Variants in CALN1 observed in about 807,000 individuals in gnomAD.
CALN1 encodes the protein calneuron 1, also known as calcium-binding protein 8.
In CALN1, 17 loss-of-function variants were observed where a neutral mutation model predicts 30.6. The observed-to-expected ratio is 0.56, with a 90% CI of 0.38 to 0.83. The LOEUF (loss-of-function observed/expected upper bound fraction) is 0.83, where lower values mean the gene tolerates loss of function less well. Among genes scored for constraint, CALN1 ranks in the 40% least tolerant of loss-of-function variants. The probability of loss-of-function intolerance (pLI) is 0.00; values close to 1 mark genes in which losing one functional copy is unlikely to be tolerated. For missense variants in CALN1, 291 were observed against 354.9 expected (o/e 0.82, Z 1.45); for synonymous variants, 156 against 131.4 (o/e 1.19, Z -1.28).
intron 5 of CALN1, among the ~76,000 whole-genome samples, chr7:71,851,865 G>A (rs1413105718): frequency 6.6e-6 from 1 of 152,064 alleles, no homozygotes; most frequent in Non-Finnish European, 1.5e-5. Flanking sequence ...AACTCCAGAG[G>A]GCAGACATTA....
intron 3 of CALN1, among the ~76,000 whole-genome samples, chr7:72,111,280 G>A (rs746715896): frequency 9.2e-5 from 14 of 152,150 alleles, no homozygotes; most frequent in Admixed American, 2.6e-4. Flanking sequence ...AACACGCATC[G>A]TCTGAAAGGA....
At chr7:72,502,678 C>T in the CALN1 span, among the ~76,000 whole-genome samples, 3 of 151,990 alleles carry the variant, frequency 2.0e-5, no homozygotes, top group South Asian at 6.2e-4. Flanking sequence ...TTCTTATATC[C>T]CTTCCCTCAT....
In CALN1 at chr7:72,207,248, G is replaced by A. The variant is rs181388320; in HGVS notation, c.244+71438C>T. ...CGGCCCTCTGTCTCTTTGTCGGCGG[G>A]AGGGAAGAACTTATTCTTATCTTGA... On this transcript the variant is annotated intron_variant, in intron 3 of 6. Transcript: ENST00000395275. 3.1e-3 allele frequency among the ~76,000 whole-genome samples: 474 copies of A among 152,252 alleles called. 4 individuals are homozygous for A. The highest frequency in any genetic ancestry group is 0.011 in the African/African-American group (463 of 41,554).
chr7:72,324,810 G>A lies in CALN1; in HGVS notation c.120-46000C>T, dbSNP rs187696351. On this transcript the variant is annotated intron_variant, in intron 2 of 6. Coordinates refer to ENST00000395275, the MANE Select transcript of CALN1 (RefSeq NM_031468.4). The stretch of plus-strand genomic sequence containing the variant: ...TGTTGGCCAGGCTGGTCTTGAACTC[G>A]TGACCTCAAGTGATCCACCCGCTTC... Among the ~76,000 whole-genome samples, 1,044 of 151,786 alleles carry A rather than the reference G, an allele frequency of 6.9e-3. 14 individuals are homozygous for A. The highest frequency in any genetic ancestry group is 0.024 in the African/African-American group (999 of 41,414).
intron 5 of CALN1, among the ~76,000 whole-genome samples, chr7:72,011,848 C>G (rs2129529270): frequency 6.6e-6 from 1 of 152,020 alleles, no homozygotes; most frequent in South Asian, 2.1e-4. Context: ...AAAAATGTTG[C>G]CCACACTGGT....
In CALN1 at chr7:72,217,832, A is replaced by ATT. The variant is rs35736777; in HGVS notation, c.244+60852_244+60853dup. On this transcript the variant is annotated intron_variant, in intron 3 of 6. Coordinates refer to ENST00000395275, the MANE Select transcript of CALN1 (RefSeq NM_031468.4). ...CCAACTCTACAAAAAAATTAAATAA[A>ATT]TTTTTTTTTTTTTTTTTTTTTTTTT... Among the ~76,000 whole-genome samples the ATT allele has an allele frequency of 2.7e-3, 182 of 67,322 alleles. 4 individuals carry two copies. The highest frequency in any genetic ancestry group is 3.2e-3 in the Non-Finnish European group (125 of 39,656). 44.2% of individuals were successfully genotyped at this position (67,322 alleles called of 152,430 possible). A position where few individuals can be genotyped will look rare whatever the true frequency, so the allele number is the denominator to read the frequency against.
At chr7:72,347,063 A>T (rs1303770251) in intron 2 of CALN1, among the ~76,000 whole-genome samples, 1 of 152,120 alleles carries the variant, frequency 6.6e-6, no homozygotes, top group African/African-American at 2.4e-5. Context: ...TTGAAAAGGA[A>T]AGGGGAGAAA....
chr7:72,054,449 A>G (rs1240614969), intron 4 of CALN1, among the ~76,000 whole-genome samples: 5 of 52,222 alleles, frequency 9.6e-5, no homozygotes, highest in Non-Finnish European at 2.7e-4. Context: ...ATATATATAC[A>G]TATATATACA....
chr7:72,414,107 A>G (rs1376179477), upstream of CALN1, among the ~76,000 whole-genome samples: 1 of 152,114 alleles, frequency 6.6e-6, no homozygotes, highest in East Asian at 1.9e-4. Context: ...AAGCAGGAGC[A>G]GTGAGGTATG....
chr7:71,959,167 G>A (rs561372715), intron 5 of CALN1, among the ~76,000 whole-genome samples: 1 of 152,320 alleles, frequency 6.6e-6, no homozygotes, highest in African/African-American at 2.4e-5. Context: ...TGAAGCACCT[G>A]TCATGGTAGG....
chr7:71,868,083 T>C (rs1229279384), intron 5 of CALN1, among the ~76,000 whole-genome samples: 2 of 152,240 alleles, frequency 1.3e-5, no homozygotes, highest in Non-Finnish European at 2.9e-5. Flanking sequence ...ATTTCTGCTT[T>C]GAAATATTTA....
chr7:72,387,229 AGGGAAGGGAG>A (rs1805268748), intron 2 of CALN1, among the ~76,000 whole-genome samples: 1 of 72,038 alleles, frequency 1.4e-5, no homozygotes. Flanking sequence ...AAGGGAAGGA[AGGGAAGGGAG>A]GGGAGGGAGG....
chr7:72,442,486 C>T (rs1452541563), intron 1 of CALN1, among the ~76,000 whole-genome samples: 2 of 151,980 alleles, frequency 1.3e-5, no homozygotes, highest in South Asian at 4.2e-4. Flanking sequence ...TAGGATTGCA[C>T]TTTATTAAAG....
intron 2 of CALN1, among the ~76,000 whole-genome samples, chr7:72,364,529 T>C (rs1179919245): frequency 2.0e-5 from 3 of 152,216 alleles, no homozygotes; most frequent in Non-Finnish European, 4.4e-5. Flanking sequence ...CTCTCTCTTT[T>C]AACTAATATA....
At chr7:72,438,696 C>T (rs1231951974) in intron 1 of CALN1, among the ~76,000 whole-genome samples, 4 of 152,048 alleles carry the variant, frequency 2.6e-5, no homozygotes. Flanking sequence ...TTTCTAACTC[C>T]GAGGGACACT....
chr7:72,392,222 G>A (rs1344086187), intron 2 of CALN1, among the ~76,000 whole-genome samples: 1 of 152,094 alleles, frequency 6.6e-6, no homozygotes, highest in Non-Finnish European at 1.5e-5. Context: ...ATCAAATAAT[G>A]TCAGCCCCCA....
In CALN1 at chr7:71,780,861, T is replaced by C. The variant is rs1223003912; in HGVS notation, c.*6914A>G. The C allele has an allele frequency of 6.6e-6, 1 of 152,098 alleles. No homozygotes were observed. Among genetic ancestry groups the C allele is most frequent in the African/African-American group, 2.4e-5 (1 of 41,418 alleles). 9.4% of individuals were successfully genotyped at this position (152,098 alleles called of 1,614,324 possible). A position where few individuals can be genotyped will look rare whatever the true frequency, so the allele number is the denominator to read the frequency against. On this transcript the variant is annotated 3_prime_UTR_variant, in exon 7 of 7. Coordinates refer to ENST00000395275, the MANE Select transcript of CALN1 (RefSeq NM_031468.4). ...CTGATTCACATGACCTTTGGGGAGG[T>C]GACTGACTCCCTTTATTTTCACACT...
At chr7:72,386,709 C>G (rs1805229222) in intron 2 of CALN1, among the ~76,000 whole-genome samples, 1 of 152,062 alleles carries the variant, frequency 6.6e-6, no homozygotes. Context: ...AATCATAGCT[C>G]ACTGCAACCC....
intron 1 of CALN1, among the ~76,000 whole-genome samples, chr7:72,418,563 C>A (rs1562961907): frequency 6.6e-6 from 1 of 152,316 alleles, no homozygotes; most frequent in East Asian, 1.9e-4. Context: ...CACAGTATCC[C>A]CAGTACCTCA....
Sources: gnomAD v4.1 joint callset for allele counts (sites outside exome capture counted in the v4.1 genomes callset) on GRCh38, gnomAD v4.1.1 for gene constraint, MANE v1.5 for transcripts, NCBI Gene and HGNC (gene_info 2026-07-23, HGNC 2026-07-21) for gene names.